Variants in BRINP1 observed in about 807,000 individuals in gnomAD.
BRINP1 encodes the protein BMP/retinoic acid inducible neural specific 1.
Under a neutral mutation model 72.9 loss-of-function variants are expected in BRINP1, and 17 were observed. The observed-to-expected ratio is 0.23, with a 90% confidence interval of 0.16 to 0.35. The LOEUF (loss-of-function observed/expected upper bound fraction) is 0.35, where lower values mean the gene tolerates loss of function less well. Ranked by LOEUF, BRINP1 falls within the 10% of genes least tolerant of loss-of-function variation. The pLI is 1.00. For missense variants in BRINP1, 850 were observed against 1,001.6 expected (o/e 0.85, Z 2.04); for synonymous variants, 418 against 378.5 (o/e 1.10, Z -1.21).
intron 1 of BRINP1, among the ~76,000 whole-genome samples, chr9:119,367,682 C>T (rs1831709489): frequency 6.6e-6 from 1 of 152,190 alleles, no homozygotes; most frequent in South Asian, 2.1e-4. Flanking sequence ...CTGCCCTTGG[C>T]AGTATTTTGG....
At chr9:119,337,572 T>C (rs1831359556) in intron 1 of BRINP1, among the ~76,000 whole-genome samples, 1 of 152,218 alleles carries the variant, frequency 6.6e-6, no homozygotes, top group East Asian at 1.9e-4. Context: ...AGTCCAAACA[T>C]CTTAATTAAA....
chr9:119,184,300 C>A (rs1303053941), intron 7 of BRINP1, among the ~76,000 whole-genome samples: 1 of 152,106 alleles, frequency 6.6e-6, no homozygotes, highest in Non-Finnish European at 1.5e-5. Context: ...ATCTCCTTGC[C>A]CCTCACCTAG....
Position 119,353,033 on chromosome 9 carries a change from C to T in BRINP1, c.-51+16023G>A, listed in dbSNP as rs551702270. On this transcript the variant is annotated intron_variant, in intron 1 of 7. Transcript: ENST00000265922. ...TAAAAAGAAGAGCTCTTAAAGCATG[C>T]CTCAAGGCTTTTCAAACACCTCCCA... Among the ~76,000 whole-genome samples, 3 of 152,296 alleles carry T rather than the reference C, an allele frequency of 2.0e-5. No individual in the cohort carries two copies. The South Asian group carries it at 6.2e-4, about 32-fold the overall frequency.
intron 7 of BRINP1, among the ~76,000 whole-genome samples, chr9:119,191,214 T>C (rs1463180074): frequency 6.6e-6 from 1 of 151,888 alleles, no homozygotes; most frequent in African/African-American, 2.4e-5. Context: ...TTTCCACTAA[T>C]ATTCAATTCC....
chr9:119,167,979 T>G lies in BRINP1; in HGVS notation c.1391A>C (p.Gln464Pro). The G allele has an allele frequency of 6.2e-7, 1 of 1,614,234 alleles. No homozygotes were observed. The highest frequency in any genetic ancestry group is 8.5e-7 in the Non-Finnish European group (1 of 1,180,042). ...YKLYRGRCEP[Q>P]NVDSERSEQF... ...CTCGCTCCGCTCCGAGTCCACGTTC[T>G]GTGGTTCACAGCGGCCTCGATACAG... Residue 464 changes from glutamine to proline, a missense_variant, in exon 8 of 8, where the codon CAG becomes CCG. Transcript: ENST00000265922. This position sits in a 1 kb window ranked among gnomAD's most constrained non-coding sequence, Gnocchi z 4.3.
At chr9:119,181,122 C>G (rs572120814) in intron 7 of BRINP1, among the ~76,000 whole-genome samples, 3 of 152,100 alleles carry the variant, frequency 2.0e-5, no homozygotes, top group Non-Finnish European at 4.4e-5. Flanking sequence ...GGAAGGCGCC[C>G]GGAGCTTCTC....
chr9:119,288,140 T>A (rs77340355), intron 2 of BRINP1, among the ~76,000 whole-genome samples: 2,284 of 152,320 alleles, frequency 0.015, 27 homozygotes, highest in Non-Finnish European at 0.023. Context: ...AAATGTCTGG[T>A]TTATTTGCAT....
chr9:119,286,199 G>A (rs895857854), intron 2 of BRINP1, among the ~76,000 whole-genome samples: 1 of 151,824 alleles, frequency 6.6e-6, no homozygotes, highest in Non-Finnish European at 1.5e-5. Flanking sequence ...GATCTGCATA[G>A]CTGAGGGCAT....
intron 1 of BRINP1, among the ~76,000 whole-genome samples, chr9:119,354,982 T>C (rs954996194): frequency 3.3e-5 from 5 of 152,246 alleles, no homozygotes; most frequent in Non-Finnish European, 7.3e-5. Context: ...TTAAATTTGA[T>C]TTAAGGTGGA....
At chr9:119,330,868 A>C (rs545093562) in intron 1 of BRINP1, among the ~76,000 whole-genome samples, 10 of 152,180 alleles carry the variant, frequency 6.6e-5, no homozygotes, top group Admixed American at 4.6e-4. Flanking sequence ...TCTACTAAAA[A>C]TACAAAAAAT....
At chr9:119,298,698 C>T (rs1266482462) in intron 2 of BRINP1, among the ~76,000 whole-genome samples, 2 of 152,144 alleles carry the variant, frequency 1.3e-5, no homozygotes, top group South Asian at 4.1e-4. Flanking sequence ...GCCATGATTA[C>T]TCCAGAACTT....
At position 119,167,715 on chromosome 9, in the gene BRINP1, C is replaced by T. The variant is rs762030572; in HGVS notation, c.1655G>A (p.Arg552His). 8.7e-6 allele frequency: 14 copies of T among 1,613,888 alleles called. No individual in the cohort carries two copies. Among genetic ancestry groups the T allele is most frequent in the South Asian group, 3.3e-5 (3 of 91,064 alleles). ...GAACATGGGGTCCAGGCTGCTGTTG[C>T]GCATCTGGCAGATGCGCATGGACAT... ...IGMSMRICQMRNSSLDPMFFV... is the reference protein window; with the variant it reads ...IGMSMRICQMHNSSLDPMFFV... The change falls in exon 8 of 8, where the codon CGC (arginine) becomes CAC (histidine). Residue 552 changes from arginine to histidine, a missense_variant. By Grantham distance (29) the Arg-to-His change is conservative (BLOSUM62 0). Transcript: ENST00000265922. The surrounding 1 kb of genome is among the most constrained non-coding windows in gnomAD (Gnocchi z 4.3).
chr9:119,209,614 A>G (rs1162021144), intron 6 of BRINP1, among the ~76,000 whole-genome samples: 1 of 152,122 alleles, frequency 6.6e-6, no homozygotes, highest in African/African-American at 2.4e-5. Context: ...TGAATTCTCC[A>G]AAGAAAATCA....
intron 2 of BRINP1, among the ~76,000 whole-genome samples, chr9:119,297,121 A>G (rs4837627): frequency 0.27 from 41,702 of 152,096 alleles, 6,626 homozygotes; most frequent in Non-Finnish European, 0.35. Context: ...ATGTCAAAAC[A>G]TCTAGTTGCA....
At chr9:119,202,767 C>T (rs920675411) in intron 7 of BRINP1, among the ~76,000 whole-genome samples, 3 of 152,106 alleles carry the variant, frequency 2.0e-5, no homozygotes, top group Non-Finnish European at 2.9e-5. Context: ...AATATCTGGT[C>T]GACCCATTAC....
chr9:119,302,186 A>T (rs989533676), intron 2 of BRINP1, among the ~76,000 whole-genome samples: 1 of 152,216 alleles, frequency 6.6e-6, no homozygotes, highest in Non-Finnish European at 1.5e-5. Context: ...CAGTTTCAAC[A>T]TTAGAACACA....
Position 119,167,327 on chromosome 9 carries a change from T to G in BRINP1, c.2043A>C (p.Thr681=). 1 of 1,614,138 alleles carries G rather than the reference T, an allele frequency of 6.2e-7. No individual in the cohort carries two copies. Among genetic ancestry groups the G allele is most frequent in the Non-Finnish European group, 8.5e-7 (1 of 1,180,036 alleles). The change falls in exon 8 of 8, where the codon ACA becomes ACC. Residue 681 remains threonine, a synonymous_variant. Coordinates refer to ENST00000265922, the MANE Select transcript of BRINP1 (RefSeq NM_014618.3). The surrounding 1 kb of genome is among the most constrained non-coding windows in gnomAD (Gnocchi z 4.3). The part of the protein sequence containing the change: ...SAVQQVNQSY[T]QGGQFYSSSS... Reference sequence around the variant, plus strand: ...AAGAGGAATAGAACTGGCCGCCCTGTGTGTAGGACTGGTTGACCTGCTGCA... The same window carrying G: ...AAGAGGAATAGAACTGGCCGCCCTGGGTGTAGGACTGGTTGACCTGCTGCA...
chr9:119,249,857 AGGGAGGGAGGGAGGGAGGG>A (rs1830362369), intron 2 of BRINP1, among the ~76,000 whole-genome samples: 5 of 46,494 alleles, frequency 1.1e-4, no homozygotes, highest in African/African-American at 5.8e-4. Context: ...GAAGGAAGGG[AGGGAGGGAGGGAGGGAGGG>A]AAGGGAGGAA....
chr9:119,171,028 T>C (rs1286652990), intron 7 of BRINP1, among the ~76,000 whole-genome samples: 20 of 146,376 alleles, frequency 1.4e-4, no homozygotes, highest in African/African-American at 4.4e-4. Context: ...TGCAAAATCA[T>C]GCCAAAATGT....
Sources: allele counts gnomAD v4.1 joint callset (sites outside exome capture counted in the v4.1 genomes callset), GRCh38; gene constraint gnomAD v4.1.1; non-coding constraint Gnocchi (gnomAD v3.1); transcripts MANE v1.5; gene names NCBI Gene and HGNC (gene_info 2026-07-23, HGNC 2026-07-21).